Variants in HYDIN observed in about 807,000 individuals in gnomAD.
HYDIN encodes axonemal central pair apparatus protein HYDIN.
HYDIN carries 132 observed loss-of-function variants against 403.9 expected under a neutral mutation model. The ratio of observed to expected loss-of-function variants is 0.33; its 90% CI spans 0.28 to 0.38. The LOEUF (loss-of-function observed/expected upper bound fraction) is 0.38, where lower values mean the gene tolerates loss of function less well. HYDIN is among the 10% of genes least tolerant of loss of function. HYDIN has a pLI of 1.00. For synonymous variants in HYDIN, 1,202 were observed against 1,891.7 expected (o/e 0.64, Z 9.46); for missense variants, 2,827 against 5,009.5 (o/e 0.56, Z 13.15).
intron 1 of HYDIN, among the ~76,000 whole-genome samples, chr16:71,199,272 A>G (rs2144700505): frequency 6.6e-6 from 1 of 151,796 alleles, no homozygotes; most frequent in South Asian, 2.1e-4. Context: ...ATCTTTTCCC[A>G]CTCTACAGCT....
rs1475523907 is a variant in HYDIN at position 71,009,511 on chromosome 16, G to C, written c.3644+8618C>G. Among the ~76,000 whole-genome samples, 4 of 152,014 alleles carry C rather than the reference G, an allele frequency of 2.6e-5. No homozygotes were observed. In the East Asian group the frequency reaches 7.7e-4, roughly 29 times the overall value. The stretch of plus-strand genomic sequence containing the variant: ...AAGGGAGCACAAGAACTCAATGCCA[G>C]TAATGTTAGAGGCTCTGAATAGGTT... On this transcript the variant is annotated intron_variant, in intron 23 of 85. Coordinates refer to ENST00000393567, the MANE Select transcript of HYDIN (RefSeq NM_001270974.2).
At chr16:71,226,431 C>T (rs2144774550) in intron 1 of HYDIN, among the ~76,000 whole-genome samples, 1 of 151,998 alleles carries the variant, frequency 6.6e-6, no homozygotes, top group South Asian at 2.1e-4. Context: ...TAAAAATTAA[C>T]TCAAAACTCA....
intron 64 of HYDIN, among the ~76,000 whole-genome samples, chr16:70,873,528 TTTAA>T (rs2040257511): frequency 1.5e-5 from 1 of 67,490 alleles, no homozygotes; most frequent in African/African-American, 3.8e-5. Flanking sequence ...ATTCCAGGAC[TTTAA>T]TTAAGCTTCT....
intron 75 of HYDIN, among the ~76,000 whole-genome samples, chr16:70,841,839 T>C (rs1396331290): frequency 6.6e-6 from 1 of 151,264 alleles, no homozygotes; most frequent in African/African-American, 2.5e-5. Flanking sequence ...GATATTGAAC[T>C]TCCCAGGGTC....
intron 37 of HYDIN, among the ~76,000 whole-genome samples, chr16:70,963,909 G>A (rs2078492572): frequency 6.7e-6 from 1 of 149,598 alleles, no homozygotes; most frequent in Admixed American, 6.7e-5. Context: ...TGCCTTTACG[G>A]GGACTTCTTG....
intron 77 of HYDIN, among the ~76,000 whole-genome samples, chr16:70,837,222 T>C (rs2037488452): frequency 6.6e-6 from 1 of 152,138 alleles, no homozygotes; most frequent in African/African-American, 2.4e-5. Context: ...GATCTGTGGC[T>C]GGCTGGAGAA....
chr16:70,833,908 T>C lies in HYDIN; in HGVS notation c.13658A>G (p.Asn4553Ser). 6.2e-7 allele frequency: 1 copy of C among 1,613,340 alleles called. No individual in the cohort carries two copies. The highest frequency in any genetic ancestry group is 1.3e-5 in the African/African-American group (1 of 75,036). The change falls in exon 79 of 86, where the codon AAC (asparagine) becomes AGC (serine). Residue 4553 changes from asparagine to serine, a missense_variant. Transcript: ENST00000393567. ...TQATRRILMM[N>S]TGDVGARFKW... ...TTACCTTGCACCCACATCGCCTGTG[T>C]TCATCATGAGGATGCGACGTGTGGC... is the stretch of plus-strand genomic sequence containing the variant.
chr16:71,096,053 T>A (rs1231320950), intron 10 of HYDIN, among the ~76,000 whole-genome samples: 1 of 150,428 alleles, frequency 6.6e-6, no homozygotes, highest in Non-Finnish European at 1.5e-5. Flanking sequence ...GGGAGGCAAA[T>A]ATGTTTAAAA....
intron 23 of HYDIN, among the ~76,000 whole-genome samples, chr16:71,000,236 T>C (rs1425738434): frequency 1.3e-5 from 2 of 151,938 alleles, no homozygotes; most frequent in Non-Finnish European, 2.9e-5. Context: ...CTGATTTCAT[T>C]AGAAGCTGGC....
chr16:71,158,585 T>C (rs1023080230), intron 6 of HYDIN, among the ~76,000 whole-genome samples: 3 of 142,778 alleles, frequency 2.1e-5, no homozygotes, highest in Non-Finnish European at 4.6e-5. Context: ...TAGATTCTTT[T>C]TTTCATAGAA....
Position 70,889,804 on chromosome 16 carries a change from G to A in HYDIN, c.9657-100C>T, listed in dbSNP as rs185656901. 8.1e-3 allele frequency: 6,281 copies of A among 779,544 alleles called. 39 individuals carry two copies. The highest frequency in any genetic ancestry group is 0.011 in the Non-Finnish European group (4,966 of 462,314). 48.3% of individuals were successfully genotyped at this position (779,544 alleles called of 1,614,324 possible). A position where few individuals can be genotyped will look rare whatever the true frequency, so the allele number is the denominator to read the frequency against. On this transcript the variant is annotated intron_variant, in intron 57 of 85. Transcript: ENST00000393567. ...TTGCAAGGGCCCTTCTCCCAGGAAT[G>A]GGGGAAGGGGCCCTTCTTTGCCCAA...
chr16:70,926,645 A>C (rs1452469425), intron 45 of HYDIN, among the ~76,000 whole-genome samples: 1 of 151,508 alleles, frequency 6.6e-6, no homozygotes, highest in Non-Finnish European at 1.5e-5. Flanking sequence ...CTAAAGAGAC[A>C]AAACCATGTG....
At chr16:70,949,231 T>C (rs1363631929) in intron 41 of HYDIN, among the ~76,000 whole-genome samples, 1 of 145,514 alleles carries the variant, frequency 6.9e-6, no homozygotes, top group African/African-American at 2.5e-5. Flanking sequence ...CACCGCATAT[T>C]CTCACTCATA....
chr16:70,884,023 C>T lies in HYDIN; in HGVS notation c.9876G>A (p.Met3292Ile), dbSNP rs777513973. The change falls in exon 59 of 86, where the codon ATG becomes ATA. Residue 3292 changes from methionine to isoleucine, a missense_variant. Coordinates refer to ENST00000393567, the MANE Select transcript of HYDIN (RefSeq NM_001270974.2). Reference sequence around the variant, plus strand: ...TGGCTATAAACTCCTCACACTTTCCCATGGCGTCAGCCACACAGTCAACGT... The same window carrying T: ...TGGCTATAAACTCCTCACACTTTCCTATGGCGTCAGCCACACAGTCAACGT... The part of the protein sequence containing the change: ...VINVDCVADA[M>I]GKCEEFIAID... The T allele has an allele frequency of 6.2e-7, 1 of 1,614,196 alleles. No individual in the cohort carries two copies. Among genetic ancestry groups the T allele is most frequent in the South Asian group, 1.1e-5 (1 of 91,076 alleles).
At chr16:70,906,190 C>T (rs1416236485) in intron 50 of HYDIN, among the ~76,000 whole-genome samples, 1 of 152,158 alleles carries the variant, frequency 6.6e-6, no homozygotes, top group Non-Finnish European at 1.5e-5. Flanking sequence ...GATCATCAGT[C>T]TCACCTGTGG....
chr16:70,868,711 A>G lies in HYDIN; in HGVS notation c.11169T>C (p.Asn3723=). The G allele has an allele frequency of 1.2e-6, 2 of 1,614,122 alleles. No individual in the cohort carries two copies. The highest frequency in any genetic ancestry group is 1.1e-5 in the South Asian group (1 of 91,056). Residue 3723 remains asparagine, a synonymous_variant, in exon 66 of 86, where the codon AAT becomes AAC. Transcript: ENST00000393567. ...TGGAGAGCTTGCACCTGATCCGCAT[A>G]TTCTTTAGGTTGATGGGTACATCTG... ...MKSDVPINLK[N]MRIRCKLSRI... is the part of the protein sequence containing the mutation.
chr16:71,229,967 T>A (rs1433968964), intron 1 of HYDIN, among the ~76,000 whole-genome samples: 1 of 152,176 alleles, frequency 6.6e-6, no homozygotes, highest in East Asian at 1.9e-4. Flanking sequence ...TGATAGTGAC[T>A]GAGTCTGACG....
In HYDIN at chr16:70,834,874, A is replaced by ATG. The variant is rs976761309; in HGVS notation, c.13402-712_13402-711dup. 6.4e-3 allele frequency among the ~76,000 whole-genome samples: 942 copies of ATG among 146,122 alleles called. 8 individuals are homozygous for ATG. Among genetic ancestry groups the ATG allele is most frequent in the African/African-American group, 0.018 (718 of 39,476 alleles). ...AAAAAAACCAAACAAACATATATAT[A>ATG]TGTGTGTGTGTGTGTGTATATATAT... On this transcript the variant is annotated intron_variant, in intron 78 of 85. Transcript: ENST00000393567.
chr16:70,870,206 TC>T (rs2040012676), intron 65 of HYDIN, among the ~76,000 whole-genome samples: 1 of 149,044 alleles, frequency 6.7e-6, no homozygotes, highest in South Asian at 2.2e-4. Flanking sequence ...GCATAAAAGT[TC>T]AGAAAACTTT....
Sources: allele counts gnomAD v4.1 joint callset (sites outside exome capture counted in the v4.1 genomes callset), GRCh38; gene constraint gnomAD v4.1.1; transcripts MANE v1.5; gene names NCBI Gene and HGNC (gene_info 2026-07-23, HGNC 2026-07-21).